Variants in ANO7 observed in about 807,000 individuals in gnomAD.
ANO7 encodes anoctamin-7.
ANO7 carries 114 observed loss-of-function variants against 115.8 expected under a neutral mutation model. The observed-to-expected ratio is 0.98, with a 90% CI of 0.85 to 1.15. ANO7 has a LOEUF of 1.15. Among genes scored for constraint, ANO7 ranks in the 50% most tolerant of loss-of-function variants. The probability of loss-of-function intolerance (pLI) is 0.00; values close to 1 mark genes in which losing one functional copy is unlikely to be tolerated. For synonymous variants in ANO7, 550 were observed against 498.2 expected (o/e 1.10, Z -1.38); for missense variants, 1,302 against 1,201.2 (o/e 1.08, Z -1.24).
chr2:241,210,896 C>T (rs1193633837), intron 15 of ANO7, among the ~76,000 whole-genome samples: 1 of 151,998 alleles, frequency 6.6e-6, no homozygotes, highest in Non-Finnish European at 1.5e-5. Context: ...TCTCGAGCTC[C>T]TGGCCTCAAG....
At chr2:241,233,537 G>A in the ANO7 span, among the ~76,000 whole-genome samples, 17 of 152,096 alleles carry the variant, frequency 1.1e-4, no homozygotes, top group South Asian at 4.1e-4. The surrounding 1 kb of genome is among the most constrained non-coding windows in gnomAD (Gnocchi z 4.3). Flanking sequence ...ACCTGGAGGC[G>A]CCACTGATCA....
In ANO7 at chr2:241,203,487, T is replaced by TCGCCTGGCTCGGTGAGTCTCCCC. The variant is rs1463962422; in HGVS notation, c.889+7_889+8insTCCCCCGCCTGGCTCGGTGAGTC. On this transcript the variant is annotated frameshift_variant, in exon 9 of 25. Coordinates refer to ENST00000674324, the MANE Select transcript of ANO7 (RefSeq NM_001370694.2). LOFTEE classifies it high-confidence loss of function. This position sits in a 1 kb window ranked among gnomAD's most constrained non-coding sequence, Gnocchi z 4.8. The stretch of plus-strand genomic sequence containing the variant: ...TTCGGGGAGAAGGTGGCCCTCTACT[T>TCGCCTGGCTCGGTGAGTCTCCCC]CGCCTGGCTCGGTGAGTCCCCCCCG... 6.6e-7 allele frequency: 1 copy of TCGCCTGGCTCGGTGAGTCTCCCC among 1,518,244 alleles called. No individual in the cohort carries two copies. Among genetic ancestry groups the TCGCCTGGCTCGGTGAGTCTCCCC allele is most frequent in the Admixed American group, 2.0e-5 (1 of 48,810 alleles). 94.0% of individuals were successfully genotyped at this position (1,518,244 alleles called of 1,614,324 possible). A position where few individuals can be genotyped will look rare whatever the true frequency, so the allele number is the denominator to read the frequency against.
the ANO7 span, chr2:241,238,652 C>T: frequency 2.6e-6 from 4 of 1,563,214 alleles, no homozygotes; most frequent in South Asian, 1.2e-5. The surrounding 1 kb of genome is among the most constrained non-coding windows in gnomAD (Gnocchi z 4.9). Flanking sequence ...GACCCACCTG[C>T]GTTCTCCTCT....
the ANO7 span, chr2:241,235,667 C>T: frequency 4.9e-6 from 5 of 1,014,536 alleles, no homozygotes; most frequent in East Asian, 2.4e-5. Context: ...AGCAATGGGG[C>T]TCCACGAAAC....
rs775078520 is a variant in ANO7, at chr2:241,199,361, A to G, written c.355A>G (p.Ser119Gly). 2 of 1,613,644 alleles carry G rather than the reference A, an allele frequency of 1.2e-6. No individual in the cohort carries two copies. Among genetic ancestry groups the G allele is most frequent in the Non-Finnish European group, 1.7e-6 (2 of 1,180,002 alleles). The change falls in exon 5 of 25, where the codon AGC (serine) becomes GGC (glycine). Residue 119 changes from serine to glycine, a missense_variant. Ser to Gly is a moderately conservative substitution (Grantham distance 56). Coordinates refer to ENST00000674324, the MANE Select transcript of ANO7 (RefSeq NM_001370694.2). ...GNTTVHYALL[S>G]ASWAVLCYYA... ...CACCACAGTGCACTACGCCCTCCTC[A>G]GCGCCTCCTGGGCTGTGCTCTGCTA...
the ANO7 span, among the ~76,000 whole-genome samples, chr2:241,232,445 T>G: frequency 2.0e-5 from 3 of 152,258 alleles, no homozygotes; most frequent in East Asian, 5.8e-4. Context: ...CTGGCTAATT[T>G]TCATATTTTT....
At chr2:241,204,547 C>T (rs1197570097) in intron 9 of ANO7, among the ~76,000 whole-genome samples, 9 of 152,076 alleles carry the variant, frequency 5.9e-5, no homozygotes, top group Non-Finnish European at 1.3e-4. Flanking sequence ...CTGTCCGTCC[C>T]GGGCAGGTTG....
At position 241,216,076 on chromosome 2, in the gene ANO7, T is replaced by A. The variant is rs754656600; in HGVS notation, c.1827-17T>A. ...CATGTTGGATCAAAGGCCATTTTCC[T>A]GTATTCCCGTCCCCAGGAAGCTAAA... On this transcript the variant is annotated splice_polypyrimidine_tract_variant and intron_variant, in intron 18 of 24. Transcript: ENST00000674324. The A allele has an allele frequency of 1.3e-6, 2 of 1,592,514 alleles. No individual in the cohort carries two copies. Among genetic ancestry groups the A allele is most frequent in the Non-Finnish European group, 1.7e-6 (2 of 1,171,684 alleles).
chr2:241,224,162 A>G lies in ANO7; in HGVS notation c.*9A>G. Reference sequence around the variant, plus strand: ...GCCAGCTGCAGCAGTGACGCCTGGAAGGACATCTGGTGGTCCTTAGGGGAG... The same window carrying G: ...GCCAGCTGCAGCAGTGACGCCTGGAGGGACATCTGGTGGTCCTTAGGGGAG... On this transcript the variant is annotated 3_prime_UTR_variant, in exon 25 of 25. Coordinates refer to ENST00000674324, the MANE Select transcript of ANO7 (RefSeq NM_001370694.2). The G allele has an allele frequency of 6.2e-7, 1 of 1,614,012 alleles. No individual in the cohort carries two copies.
chr2:241,217,575 C>A, intron 19 of ANO7, 111 bp from the exon 20 acceptor site: 2 of 1,258,196 alleles, frequency 1.6e-6, no homozygotes, highest in East Asian at 2.6e-5. Context: ...CGGAATGAGC[C>A]GCGATGGGGT....
At chr2:241,215,264 C>T (rs1306388988) in intron 18 of ANO7, among the ~76,000 whole-genome samples, 4 of 152,216 alleles carry the variant, frequency 2.6e-5, no homozygotes, top group Non-Finnish European at 4.4e-5. Flanking sequence ...CAGGCCCCAA[C>T]GCAGCACAAG....
the ANO7 span, chr2:241,236,032 C>T: frequency 1.3e-4 from 26 of 193,158 alleles, no homozygotes; most frequent in East Asian, 2.8e-4. Context: ...ACTCTCAGAC[C>T]GCTGCTCACC....
In ANO7 at chr2:241,210,287, C is replaced by T; in HGVS notation, c.1360-8C>T. ...TGAAGGGTCTCACGGGCCTCCCTGC[C>T]CCCGCAGGTGGCCGTGGTGGTCATG... On this transcript the variant is annotated splice_region_variant and splice_polypyrimidine_tract_variant and intron_variant, in intron 13 of 24. Transcript: ENST00000674324. 4 of 1,613,672 alleles carry T rather than the reference C, an allele frequency of 2.5e-6. No individual in the cohort carries two copies. Among genetic ancestry groups the T allele is most frequent in the Admixed American group, 1.7e-5 (1 of 60,032 alleles).
At chr2:241,232,330 C>T in the ANO7 span, among the ~76,000 whole-genome samples, 2 of 150,822 alleles carry the variant, frequency 1.3e-5, no homozygotes, top group South Asian at 2.1e-4. Context: ...GGCTGGAGTG[C>T]AATGGCATGA....
chr2:241,237,814 A>G, the ANO7 span, among the ~76,000 whole-genome samples: 1 of 152,368 alleles, frequency 6.6e-6, no homozygotes, highest in Non-Finnish European at 1.5e-5. Context: ...ATCAAAATCA[A>G]AGTTTTAAAT....
the ANO7 span, chr2:241,236,262 GA>G: frequency 3.2e-6 from 1 of 314,030 alleles, no homozygotes; most frequent in South Asian, 4.2e-5. Flanking sequence ...AGCTAGGCCT[GA>G]TAACCCCACT....
intron 3 of ANO7, among the ~76,000 whole-genome samples, chr2:241,191,905 C>T (rs985611507): frequency 6.6e-6 from 1 of 152,208 alleles, no homozygotes; most frequent in African/African-American, 2.4e-5. Flanking sequence ...ACAGAGTTCC[C>T]GTAAAAGCCA....
intron 2 of ANO7, among the ~76,000 whole-genome samples, chr2:241,190,821 C>A (rs1436780093): frequency 6.6e-6 from 1 of 152,240 alleles, no homozygotes; most frequent in Non-Finnish European, 1.5e-5. Flanking sequence ...TGGGAGCAGT[C>A]CGGCTCCCCT....
the ANO7 span, chr2:241,231,057 A>T: frequency 2.3e-6 from 2 of 884,810 alleles, no homozygotes; most frequent in Non-Finnish European, 1.8e-6. Context: ...GATGGAAAGC[A>T]ACGTCACGGC....
Sources: gnomAD v4.1 joint callset for allele counts (sites outside exome capture counted in the v4.1 genomes callset) on GRCh38, gnomAD v4.1.1 for gene constraint, Gnocchi (gnomAD v3.1) non-coding constraint, MANE v1.5 for transcripts, NCBI Gene and HGNC (gene_info 2026-07-23, HGNC 2026-07-21) for gene names.